HMCN1: variants seen among roughly 807,000 people sequenced by gnomAD.
HMCN1 encodes the protein hemicentin-1.
HMCN1 carries 321 observed loss-of-function variants against 625.9 expected under a neutral mutation model. The observed-to-expected ratio is 0.51, with a 90% CI of 0.47 to 0.56. The LOEUF is 0.56. HMCN1 is among the 20% of genes least tolerant of loss of function. HMCN1 has a pLI of 0.00. For missense variants in HMCN1, 6,588 were observed against 6,887.3 expected, an observed-to-expected ratio of 0.96 and a Z score of 1.54; for synonymous variants, 2,425 against 2,417.6, an observed-to-expected ratio of 1.00 and a Z score of -0.09.
In HMCN1 at chr1:185,865,719, CTT is replaced by C. The variant is rs57584779; in HGVS notation, c.499-10_499-9del. ...TTTCTGGAAACCCTTTACACTGTTT[CTT>C]TTTTTTTTTTTAATCATAGGTCGTA... On this transcript the variant is annotated intron_variant, in intron 3 of 106. Transcript: ENST00000271588. 1.6e-3 allele frequency: 1,446 copies of C among 897,232 alleles called. No individual in the cohort carries two copies. The highest frequency in any genetic ancestry group is 2.4e-3 in the Middle Eastern group (8 of 3,276). 55.6% of individuals were successfully genotyped at this position (897,232 alleles called of 1,614,324 possible). A position where few individuals can be genotyped will look rare whatever the true frequency, so the allele number is the denominator to read the frequency against.
chr1:185,776,632 T>C lies in HMCN1; in HGVS notation c.268+41585T>C, dbSNP rs1167725522. Among the ~76,000 whole-genome samples the C allele has an allele frequency of 2.6e-5, 4 of 152,192 alleles. No homozygotes were observed. The South Asian group carries it at 6.2e-4, about 24-fold the overall frequency. On this transcript the variant is annotated intron_variant, in intron 1 of 106. Coordinates refer to ENST00000271588, the MANE Select transcript of HMCN1 (RefSeq NM_031935.3). ...GGTTTCTGCTGGGGATGAATTGTTT[T>C]GAAAGCTTGGTAAAATAAATAGGGT... is the stretch of plus-strand genomic sequence containing the variant.
At chr1:186,044,162 T>C (rs1455139887) in intron 40 of HMCN1, among the ~76,000 whole-genome samples, 1 of 152,204 alleles carries the variant, frequency 6.6e-6, no homozygotes, top group African/African-American at 2.4e-5. Flanking sequence ...AGAATAATCA[T>C]GTATCTTTTA....
Position 186,053,947 on chromosome 1 carries a change from G to A in HMCN1, c.6823G>A (p.Ala2275Thr), listed in dbSNP as rs765638746. 1 of 1,612,662 alleles carries A rather than the reference G, an allele frequency of 6.2e-7. No individual in the cohort carries two copies. Among genetic ancestry groups the A allele is most frequent in the Non-Finnish European group, 8.5e-7 (1 of 1,179,172 alleles). ...CTATTCATGTGTGGCGTCGAATGTTGCTGGGACTGCAAAGAAAGAATACAA... is the reference window on the plus strand; with the variant it reads ...CTATTCATGTGTGGCGTCGAATGTTACTGGGACTGCAAAGAAAGAATACAA... ...ALYSCVASNV[A>T]GTAKKEYNLQ... Residue 2275 changes from alanine (A) to threonine (T), a missense_variant, in exon 44 of 107, where the codon GCT becomes ACT. Around this residue, in one of 3 missense-constraint regions of HMCN1, gnomAD observed 4,628 missense variants for 4,853.1 expected, o/e 0.95. Transcript: ENST00000271588.
intron 50 of HMCN1, among the ~76,000 whole-genome samples, chr1:186,069,102 C>G (rs1358914453): frequency 2.6e-5 from 4 of 152,148 alleles, no homozygotes; most frequent in Non-Finnish European, 5.9e-5. Flanking sequence ...TTCTCACCCA[C>G]TACCCGAAAC....
At chr1:185,805,174 C>T (rs894761827) in intron 1 of HMCN1, among the ~76,000 whole-genome samples, 9 of 152,088 alleles carry the variant, frequency 5.9e-5, no homozygotes, top group Non-Finnish European at 1.3e-4. Context: ...ATGAGAAAAG[C>T]TTGTGAGATA....
chr1:186,004,712 A>T (rs533018029), intron 29 of HMCN1, among the ~76,000 whole-genome samples: 1 of 152,250 alleles, frequency 6.6e-6, no homozygotes, highest in Admixed American at 6.5e-5. Context: ...TTAAAAGGCA[A>T]CTTGTTGATA....
rs1653449678 is a variant in HMCN1, at chr1:185,734,870, A to G, written c.91A>G (p.Arg31Gly). Reference sequence around the variant, plus strand: ...AGATGCGAGCCCCCAGTCAGAGATCAGAGCTGAGGAAATTCCCGAGGGGGC... The same window carrying G: ...AGATGCGAGCCCCCAGTCAGAGATCGGAGCTGAGGAAATTCCCGAGGGGGC... ...AQDASPQSEI[R>G]AEEIPEGAST... The change falls in exon 1 of 107, where the codon AGA (arginine) becomes GGA (glycine). Residue 31 changes from arginine to glycine, a missense_variant. Coordinates refer to ENST00000271588, the MANE Select transcript of HMCN1 (RefSeq NM_031935.3). The G allele has an allele frequency of 1.2e-6, 2 of 1,614,164 alleles. No homozygotes were observed. Among genetic ancestry groups the G allele is most frequent in the East Asian group, 4.5e-5 (2 of 44,884 alleles).
chr1:185,976,667 A>T (rs577798115), intron 15 of HMCN1, among the ~76,000 whole-genome samples: 1 of 152,276 alleles, frequency 6.6e-6, no homozygotes, highest in South Asian at 2.1e-4. Context: ...CAAATTAACT[A>T]TCTGTGTTTC....
chr1:185,931,485 G>A (rs901547691), intron 10 of HMCN1, among the ~76,000 whole-genome samples: 3 of 152,116 alleles, frequency 2.0e-5, no homozygotes, highest in African/African-American at 7.2e-5. Context: ...TGGTGGTGTC[G>A]TATGCCATTA....
intron 11 of HMCN1, among the ~76,000 whole-genome samples, chr1:185,958,264 A>G (rs1435950591): frequency 1.3e-5 from 2 of 152,004 alleles, no homozygotes; most frequent in Non-Finnish European, 2.9e-5. Flanking sequence ...GACTACAGGC[A>G]TGCACCACCA....
chr1:185,803,392 A>G (rs937249359), intron 1 of HMCN1, among the ~76,000 whole-genome samples: 1 of 152,020 alleles, frequency 6.6e-6, no homozygotes, highest in Non-Finnish European at 1.5e-5. Flanking sequence ...ACTTAAGTCT[A>G]TAGAAGCAAA....
intron 1 of HMCN1, among the ~76,000 whole-genome samples, chr1:185,766,360 C>T (rs762242790): frequency 6.6e-6 from 1 of 152,068 alleles, no homozygotes; most frequent in African/African-American, 2.4e-5. Context: ...AGTTGCATAA[C>T]CCAGCCAACT....
intron 85 of HMCN1, among the ~76,000 whole-genome samples, chr1:186,131,012 G>A (rs1424476019): frequency 6.6e-6 from 1 of 152,134 alleles, no homozygotes; most frequent in Non-Finnish European, 1.5e-5. Flanking sequence ...ATAAATTATA[G>A]AGTAGATTTC....
Position 185,909,518 on chromosome 1 carries a change from A to G in HMCN1, c.793+10A>G, listed in dbSNP as rs367796434. On this transcript the variant is annotated intron_variant, in intron 5 of 106. Transcript: ENST00000271588. ...ATTCGCAATCCTTTAGGTGAGATAT[A>G]TCAAACATCACATAATAAAATACAA... is the stretch of plus-strand genomic sequence containing the variant. 6 of 1,607,270 alleles carry G rather than the reference A, an allele frequency of 3.7e-6. No individual in the cohort carries two copies. Among genetic ancestry groups the G allele is most frequent in the African/African-American group, 1.3e-5 (1 of 74,746 alleles).
In HMCN1 at chr1:186,093,573, C is replaced by G; in HGVS notation, c.10100C>G (p.Thr3367Arg). The change falls in exon 66 of 107, where the codon ACA becomes AGA. Residue 3367 changes from threonine to arginine, a missense_variant. By Grantham distance (71) the Thr-to-Arg change is moderately conservative (BLOSUM62 -1). This residue lies in a region of HMCN1 where 4,628 missense variants were observed against 4,853.1 expected (regional missense o/e 0.95). Coordinates refer to ENST00000271588, the MANE Select transcript of HMCN1 (RefSeq NM_031935.3). The part of the protein sequence containing the change: ...DTSINIECRA[T>R]GTPPPQINWL... ...TCAATAAATATTGAATGCAGAGCCACAGGGACGCCTCCACCACAGATAAAC... is the reference window on the plus strand; with the variant it reads ...TCAATAAATATTGAATGCAGAGCCAGAGGGACGCCTCCACCACAGATAAAC... 6.2e-7 allele frequency: 1 copy of G among 1,613,488 alleles called. No homozygotes were observed. Among genetic ancestry groups the G allele is most frequent in the South Asian group, 1.1e-5 (1 of 91,082 alleles).
Position 185,758,824 on chromosome 1 carries a change from GT to G in HMCN1, c.268+23785del, listed in dbSNP as rs530147918. On this transcript the variant is annotated intron_variant, in intron 1 of 106. Coordinates refer to ENST00000271588, the MANE Select transcript of HMCN1 (RefSeq NM_031935.3). ...AAAATTTATTAGGCATTTTCATGCAGTTTTTTTTAATTAGTTCCCATAACAA... is the reference window on the plus strand; with the variant it reads ...AAAATTTATTAGGCATTTTCATGCAGTTTTTTTAATTAGTTCCCATAACAA... Among the ~76,000 whole-genome samples the G allele has an allele frequency of 3.3e-5, 5 of 151,448 alleles. No homozygotes were observed. The South Asian group carries it at 8.3e-4, about 25-fold the overall frequency.
chr1:186,085,567 C>T (rs374748309), intron 57 of HMCN1, among the ~76,000 whole-genome samples: 15 of 152,112 alleles, frequency 9.9e-5, no homozygotes, highest in African/African-American at 2.6e-4. Context: ...CATGAATTTG[C>T]GGGGACAGAA....
Position 185,734,819 on chromosome 1 carries a change from G to A in HMCN1, c.40G>A (p.Ala14Thr), listed in dbSNP as rs1161902426. The change falls in exon 1 of 107, where the codon GCT becomes ACT. Residue 14 changes from alanine to threonine, a missense_variant. Physicochemically the swap from Ala to Thr is moderately conservative, Grantham distance 58. Coordinates refer to ENST00000271588, the MANE Select transcript of HMCN1 (RefSeq NM_031935.3). Reference protein sequence around the residue: ...WEVVHTVFLFALLYSSLAQDA... With the variant: ...WEVVHTVFLFTLLYSSLAQDA... ...AGTTGTCCATACAGTATTCCTGTTT[G>A]CTCTTCTTTATTCTTCCCTAGCTCA... The A allele has an allele frequency of 1.2e-6, 2 of 1,613,984 alleles. No homozygotes were observed. The highest frequency in any genetic ancestry group is 1.3e-5 in the African/African-American group (1 of 74,916).
intron 4 of HMCN1, among the ~76,000 whole-genome samples, chr1:185,868,413 G>A (rs1307962773): frequency 6.6e-6 from 1 of 152,034 alleles, no homozygotes; most frequent in East Asian, 1.9e-4. Flanking sequence ...GTCATTGGAG[G>A]GACCTAATCG....
Sources: gnomAD v4.1 joint callset for allele counts (sites outside exome capture counted in the v4.1 genomes callset) on GRCh38, gnomAD v4.1.1 for gene constraint, gnomAD v4.1.1 regional missense constraint, MANE v1.5 for transcripts, NCBI Gene and HGNC (gene_info 2026-07-23, HGNC 2026-07-21) for gene names.